Variants in EPS8L3 observed in about 807,000 individuals in gnomAD.
The protein encoded by EPS8L3 is epidermal growth factor receptor kinase substrate 8-like protein 3.
EPS8L3 carries 80 observed loss-of-function variants against 88.5 expected under a neutral mutation model. That is an observed-to-expected ratio of 0.90 (90% confidence interval 0.75 to 1.09). EPS8L3 has a LOEUF of 1.09. EPS8L3 is among the 50% of genes least tolerant of loss of function. EPS8L3 has a pLI of 0.00. For synonymous variants in EPS8L3, 286 were observed against 291.0 expected (o/e 0.98, Z 0.18); for missense variants, 721 against 735.2 (o/e 0.98, Z 0.22).
chr1:109,750,464 C>T, intron 18 of EPS8L3, 62 bp from the exon 19 acceptor site: 4 of 1,600,750 alleles, frequency 2.5e-6, no homozygotes, highest in Non-Finnish European at 3.4e-6. Flanking sequence ...AGAGCTTATG[C>T]CACCAATAAG....
chr1:109,759,050 G>A lies in EPS8L3; in HGVS notation c.461+12C>T, dbSNP rs1281139811. 1 of 1,592,584 alleles carries A rather than the reference G, an allele frequency of 6.3e-7. No homozygotes were observed. The highest frequency in any genetic ancestry group is 1.3e-5 in the African/African-American group (1 of 74,660). On this transcript the variant is annotated intron_variant, in intron 6 of 18. Transcript: ENST00000361965. This position sits in a 1 kb window ranked among gnomAD's most constrained non-coding sequence, Gnocchi z 4.2. Reference sequence around the variant, plus strand: ...GGAGGCCCCATAGGTGGGCTGGGCAGAGGCTGCCTACCTTTGCTCCAGCTC... The same window carrying A: ...GGAGGCCCCATAGGTGGGCTGGGCAAAGGCTGCCTACCTTTGCTCCAGCTC...
At position 109,757,824 on chromosome 1, in the gene EPS8L3, A is replaced by G. The variant is rs1650439619; in HGVS notation, c.872T>C (p.Ile291Thr). 6.2e-7 allele frequency: 1 copy of G among 1,614,116 alleles called. No individual in the cohort carries two copies. Among genetic ancestry groups the G allele is most frequent in the Non-Finnish European group, 8.5e-7 (1 of 1,179,996 alleles). ...QAQYIDCFQKIKHSFNLLGRL... is the reference protein window; with the variant it reads ...QAQYIDCFQKTKHSFNLLGRL... ...TACCAGGAGGTTGAAGCTGTGCTTG[A>G]TCTTCTGGAAGCAGTCAATGTACTG... Residue 291 changes from isoleucine to threonine, a missense_variant, in exon 10 of 19, where the codon ATC becomes ACC. Physicochemically the swap from Ile to Thr is moderately conservative, Grantham distance 89. Coordinates refer to ENST00000361965, the MANE Select transcript of EPS8L3 (RefSeq NM_133181.4).
intron 14 of EPS8L3, 113 bp from the exon 15 acceptor site, chr1:109,752,306 G>A: frequency 8.9e-7 from 1 of 1,129,154 alleles, no homozygotes; most frequent in South Asian, 1.5e-5. Flanking sequence ...GGTGACTTTT[G>A]GGTTTCTTTA....
intron 10 of EPS8L3, 72 bp downstream of exon 10, chr1:109,757,730 C>A (rs368077766): frequency 5.9e-6 from 9 of 1,530,066 alleles, no homozygotes; most frequent in Middle Eastern, 1.7e-4. Flanking sequence ...ATGGTTGAGT[C>A]CAGACAGCAG....
intron 12 of EPS8L3, among the ~76,000 whole-genome samples, chr1:109,754,895 T>C (rs1003211735): frequency 2.0e-5 from 3 of 152,208 alleles, no homozygotes; most frequent in African/African-American, 7.2e-5. Context: ...AAGGGAACTC[T>C]GGTATGAGAT....
rs1570677978 is a variant in EPS8L3, at chr1:109,752,344, G to A, written c.1236-151C>T. The A allele has an allele frequency of 1.1e-5, 8 of 730,776 alleles. No homozygotes were observed. The East Asian group carries it at 2.1e-4, about 19-fold the overall frequency. The allele number at this position is 730,776 out of a possible 1,614,324, so 45.3% of individuals were successfully genotyped here. ...GTTTGCTGGCAGGTCAGTGTTAGGT[G>A]GGGCTTTCTGCAGGCAGGAGGGGTC... is the stretch of plus-strand genomic sequence containing the variant. On this transcript the variant is annotated intron_variant, in intron 14 of 18. Transcript: ENST00000361965.
intron 7 of EPS8L3, 36 bp downstream of exon 7, chr1:109,758,488 C>G: frequency 5.8e-6 from 9 of 1,561,960 alleles, no homozygotes; most frequent in Non-Finnish European, 7.8e-6. Flanking sequence ...TTCATCGAAA[C>G]CCTCTCCTTC....
At chr1:109,751,495 G>T (rs1649788329) in intron 16 of EPS8L3, 144 bp from the exon 17 acceptor site, 5 of 1,367,260 alleles carry the variant, frequency 3.7e-6, no homozygotes, top group Non-Finnish European at 4.1e-6. Flanking sequence ...AGCTGGTCTT[G>T]TTCTCTGCTC....
chr1:109,752,288 A>G, intron 14 of EPS8L3, 95 bp from the exon 15 acceptor site: 1 of 1,247,064 alleles, frequency 8.0e-7, no homozygotes, highest in Non-Finnish European at 1.1e-6. Flanking sequence ...TCCGGCCTGC[A>G]GTCTGATGGT....
rs532171561 is a variant in EPS8L3 at position 109,757,062 on chromosome 1, T to C, written c.1073A>G (p.Glu358Gly). ...NLLQSCLSPP[E>G]SNLWMGLGPA... is the part of the protein sequence containing the mutation. Reference sequence around the variant, plus strand: ...GCCCAACCCCATCCAAAGGTTACTCTCAGGTGGGCTTAGACAGGACTGTAG... The same window carrying C: ...GCCCAACCCCATCCAAAGGTTACTCCCAGGTGGGCTTAGACAGGACTGTAG... Residue 358 changes from glutamate to glycine, a missense_variant, in exon 12 of 19, where the codon GAG becomes GGG. By Grantham distance (98) the Glu-to-Gly change is moderately conservative (BLOSUM62 -2). Transcript: ENST00000361965. 2.5e-6 allele frequency: 4 copies of C among 1,614,138 alleles called. No individual in the cohort carries two copies. Among genetic ancestry groups the C allele is most frequent in the Non-Finnish European group, 2.5e-6 (3 of 1,180,018 alleles).
Position 109,759,975 on chromosome 1 carries a change from A to C in EPS8L3, c.97-139T>G, listed in dbSNP as rs1650740164. On this transcript the variant is annotated intron_variant, in intron 3 of 18. Transcript: ENST00000361965. This position sits in a 1 kb window ranked among gnomAD's most constrained non-coding sequence, Gnocchi z 4.2. ...GGTAGGAGGTTCCAGGCTTCAGATAAAGCAACTTTCCAGGGCCAATGTGAG... is the reference window on the plus strand; with the variant it reads ...GGTAGGAGGTTCCAGGCTTCAGATACAGCAACTTTCCAGGGCCAATGTGAG... The C allele has an allele frequency of 2.2e-6, 2 of 901,328 alleles. No individual in the cohort carries two copies. The highest frequency in any genetic ancestry group is 3.3e-6 in the Non-Finnish European group (2 of 607,498). 55.8% of individuals were successfully genotyped at this position (901,328 alleles called of 1,614,324 possible). A position where few individuals can be genotyped will look rare whatever the true frequency, so the allele number is the denominator to read the frequency against.
At position 109,759,888 on chromosome 1, in the gene EPS8L3, C is replaced by CCA. The variant is rs756207578; in HGVS notation, c.97-54_97-53dup. The CCA allele has an allele frequency of 5.0e-6, 8 of 1,587,396 alleles. No individual in the cohort carries two copies. The highest frequency in any genetic ancestry group is 1.3e-5 in the African/African-American group (1 of 74,396). On this transcript the variant is annotated intron_variant, in intron 3 of 18. Coordinates refer to ENST00000361965, the MANE Select transcript of EPS8L3 (RefSeq NM_133181.4). This position sits in a 1 kb window ranked among gnomAD's most constrained non-coding sequence, Gnocchi z 4.2. ...CTGGGAGAAAGCTCAGAGAGGTGGA[C>CCA]CACAGGCGTGCTGGGTAGAGAAAAG...
In EPS8L3 at chr1:109,753,151, G is replaced by T; in HGVS notation, c.1166C>A (p.Ser389Ter). 2 of 1,613,388 alleles carry T rather than the reference G, an allele frequency of 1.2e-6. No homozygotes were observed. The highest frequency in any genetic ancestry group is 1.7e-6 in the Non-Finnish European group (2 of 1,179,702). Reference protein sequence around the residue: ...DEPLPYQPTFSDDWQLPEPSS... With the variant: ...DEPLPYQPTF ...GGGCTCTGGAAGTTGCCAGTCATCT[G>T]AGAATGTGGGTTGGTAGGGCAGGGG... The change falls in exon 13 of 19, where the codon TCA (serine) becomes TAA (stop). Residue 389 changes from serine (S) to a stop codon, truncating the protein, a stop_gained. Transcript: ENST00000361965. LOFTEE classifies it high-confidence loss of function.
At chr1:109,753,235 T>C (rs771670293) in intron 12 of EPS8L3, 37 bp from the exon 13 acceptor site, 2 of 1,525,832 alleles carry the variant, frequency 1.3e-6, no homozygotes, top group South Asian at 1.2e-5. Flanking sequence ...ACATCCACTC[T>C]GTGAACTCTG....
chr1:109,759,177 GT>G lies in EPS8L3; in HGVS notation c.405+60del, dbSNP rs1243360464. 6.8e-6 allele frequency: 10 copies of G among 1,468,634 alleles called. No individual in the cohort carries two copies. Among genetic ancestry groups the G allele is most frequent in the Non-Finnish European group, 9.4e-6 (10 of 1,065,874 alleles). The allele number at this position is 1,468,634 out of a possible 1,614,324, so 91.0% of individuals were successfully genotyped here. A position where few individuals can be genotyped will look rare whatever the true frequency, so the allele number is the denominator to read the frequency against. On this transcript the variant is annotated intron_variant, in intron 5 of 18. Transcript: ENST00000361965. This position sits in a 1 kb window ranked among gnomAD's most constrained non-coding sequence, Gnocchi z 4.2. The stretch of plus-strand genomic sequence containing the variant: ...TGTGTGTGTGTGTGTGTGTGTGTGT[GT>G]GTGTGGTGGGGTGATGGTCGATGAA...
intron 10 of EPS8L3, 107 bp downstream of exon 10, chr1:109,757,695 T>C: frequency 7.1e-7 from 1 of 1,413,128 alleles, no homozygotes; most frequent in East Asian, 2.3e-5. Flanking sequence ...CTAGGGGGAG[T>C]AGATGAAGAA....
chr1:109,751,292 C>T lies in EPS8L3; in HGVS notation c.1623G>A (p.Glu541=), dbSNP rs895653207. The T allele has an allele frequency of 3.6e-5, 58 of 1,613,778 alleles. No individual in the cohort carries two copies. The highest frequency in any genetic ancestry group is 4.7e-5 in the Non-Finnish European group (56 of 1,179,942). ...PEEVTDWLQA[E]NFSTATVRTL... is the part of the protein sequence containing the mutation. ...CAGGCACTCACGCAGTGGAGAAGTTCTCTGCCTGCAGCCAGTCTGTGACCT... is the reference window on the plus strand; with the variant it reads ...CAGGCACTCACGCAGTGGAGAAGTTTTCTGCCTGCAGCCAGTCTGTGACCT... The change falls in exon 17 of 19, where the codon GAG becomes GAA. Residue 541 remains glutamate (E), a synonymous_variant. Transcript: ENST00000361965.
In EPS8L3 at chr1:109,759,998, G is replaced by A; in HGVS notation, c.97-162C>T. On this transcript the variant is annotated intron_variant, in intron 3 of 18. Coordinates refer to ENST00000361965, the MANE Select transcript of EPS8L3 (RefSeq NM_133181.4). This position sits in a 1 kb window ranked among gnomAD's most constrained non-coding sequence, Gnocchi z 4.2. ...TAAAGCAACTTTCCAGGGCCAATGT[G>A]AGGGACGGTGTCGAAGCACTGGGGC... 1.4e-6 allele frequency: 1 copy of A among 699,598 alleles called. No individual in the cohort carries two copies. The highest frequency in any genetic ancestry group is 2.3e-6 in the Non-Finnish European group (1 of 428,234). The allele number at this position is 699,598 out of a possible 1,614,324, so 43.3% of individuals were successfully genotyped here. A position where few individuals can be genotyped will look rare whatever the true frequency, so the allele number is the denominator to read the frequency against.
In EPS8L3 at chr1:109,757,497, A is replaced by T. The variant is rs748565720; in HGVS notation, c.953T>A (p.Phe318Tyr). 6.2e-7 allele frequency: 1 copy of T among 1,614,048 alleles called. No individual in the cohort carries two copies. Among genetic ancestry groups the T allele is most frequent in the Middle Eastern group, 1.7e-4 (1 of 6,060 alleles). Residue 318 changes from phenylalanine (F) to tyrosine (Y), a missense_variant, in exon 11 of 19, where the codon TTC becomes TAC. Phe to Tyr is a conservative substitution (Grantham distance 22). Transcript: ENST00000361965. Reference protein sequence around the residue: ...TSAPELVHILFKSLNFILARC... With the variant: ...TSAPELVHILYKSLNFILARC... ...TTGACTCACGAAGTTCAGGGACTTG[A>T]AGAGGATGTGTACGAGCTCAGGGGC...
Sources: gnomAD v4.1 joint callset for allele counts (sites outside exome capture counted in the v4.1 genomes callset) on GRCh38, gnomAD v4.1.1 for gene constraint, Gnocchi (gnomAD v3.1) non-coding constraint, MANE v1.5 for transcripts, NCBI Gene and HGNC (gene_info 2026-07-23, HGNC 2026-07-21) for gene names.